The following TCF4 variants were observed in gnomAD, a reference collection of about 807,000 sequenced individuals.
The protein encoded by TCF4 is SL3-3 enhancer factor 2.
Under a neutral mutation model 82.1 loss-of-function variants are expected in TCF4, and 3 were observed. The observed-to-expected ratio is 0.04, with a 90% confidence interval of 0.02 to 0.09. TCF4 has a LOEUF of 0.09. TCF4 is among the 10% of genes least tolerant of loss of function. The pLI, the probability that TCF4 is intolerant of heterozygous loss-of-function variation, is 1.00. For synonymous variants in TCF4, 276 were observed against 309.6 expected, an observed-to-expected ratio of 0.89 and a Z score of 1.14; for missense variants, 518 against 852.7, an observed-to-expected ratio of 0.61 and a Z score of 4.89.
chr18:55,412,031 A>G (rs1465566184), intron 5 of TCF4, among the ~76,000 whole-genome samples: 3 of 152,172 alleles, frequency 2.0e-5, no homozygotes, highest in Non-Finnish European at 2.9e-5. Flanking sequence ...ATGAGCCACC[A>G]TGCCCAACAG....
At chr18:55,556,827 T>A in intron 3 of TCF4, among the ~76,000 whole-genome samples, 1 of 152,232 alleles carries the variant, frequency 6.6e-6, no homozygotes, top group East Asian at 1.9e-4. Flanking sequence ...GCATTTAGCA[T>A]CTACAAATCT....
intron 3 of TCF4, among the ~76,000 whole-genome samples, chr18:55,580,563 T>A (rs1201613967): frequency 1.3e-5 from 2 of 151,970 alleles, no homozygotes; most frequent in Admixed American, 6.6e-5. Flanking sequence ...TGTCATAAAT[T>A]GGAAGGGTAG....
chr18:55,300,191 A>T (rs1568831552), intron 8 of TCF4, among the ~76,000 whole-genome samples: 1 of 152,148 alleles, frequency 6.6e-6, no homozygotes, highest in South Asian at 2.1e-4. Context: ...CTGAACTAAC[A>T]GCCATTTTAA....
chr18:55,622,133 C>G (rs1039755095), intron 2 of TCF4, among the ~76,000 whole-genome samples: 3 of 145,308 alleles, frequency 2.1e-5, no homozygotes, highest in Non-Finnish European at 4.5e-5. Context: ...TTATCCTTAG[C>G]CCTCATCCTT....
At chr18:55,302,625 T>A in intron 8 of TCF4, 3 of 1,514,014 alleles carry the variant, frequency 2.0e-6, no homozygotes, top group Non-Finnish European at 1.8e-6. Flanking sequence ...TATATGAAAC[T>A]CAGACCCGCA....
intron 2 of TCF4, among the ~76,000 whole-genome samples, chr18:55,620,950 G>T (rs927195342): frequency 6.6e-6 from 1 of 151,962 alleles, no homozygotes; most frequent in African/African-American, 2.4e-5. Context: ...TACCACTTTT[G>T]TAGTGGCTGA....
chr18:55,311,503 T>C (rs992330430), intron 8 of TCF4, among the ~76,000 whole-genome samples: 3 of 152,248 alleles, frequency 2.0e-5, no homozygotes, highest in Admixed American at 6.5e-5. Flanking sequence ...AGATATATGT[T>C]TGTAATCTTA....
chr18:55,287,372 G>A (rs2146484053), intron 8 of TCF4, among the ~76,000 whole-genome samples: 1 of 152,298 alleles, frequency 6.6e-6, no homozygotes, highest in South Asian at 2.1e-4. Flanking sequence ...ATTCATTCAT[G>A]AGTACATTAA....
chr18:55,369,913 T>TTGTGTG (rs3838896), intron 6 of TCF4, among the ~76,000 whole-genome samples: 33 of 150,722 alleles, frequency 2.2e-4, no homozygotes, highest in South Asian at 1.7e-3. Context: ...AGAGTTTTAT[T>TTGTGTG]TGTGTGTGTG....
chr18:55,466,539 A>G lies in TCF4; in HGVS notation c.146-2402T>C, dbSNP rs566814312. Among the ~76,000 whole-genome samples, 303 of 152,222 alleles carry G rather than the reference A, an allele frequency of 2.0e-3. 1 individual carries two copies. Among genetic ancestry groups the G allele is most frequent in the African/African-American group, 7.0e-3 (290 of 41,538 alleles). On this transcript the variant is annotated intron_variant, in intron 3 of 19. Transcript: ENST00000354452. The stretch of plus-strand genomic sequence containing the variant: ...ATTTTTGGTGTTCTGACCCCAAATA[A>G]AAATTGTGTTGAGATTGAGAAGCCC...
intron 2 of TCF4, among the ~76,000 whole-genome samples, chr18:55,596,571 A>T (rs1316386477): frequency 6.6e-6 from 1 of 152,186 alleles, no homozygotes; most frequent in Admixed American, 6.5e-5. Flanking sequence ...GGAAGTTTGG[A>T]TCCATTAGCT....
upstream of TCF4, among the ~76,000 whole-genome samples, chr18:55,590,783 T>C (rs992740357): frequency 5.3e-5 from 8 of 152,256 alleles, no homozygotes; most frequent in Admixed American, 4.6e-4. Flanking sequence ...ACAGTGTTCC[T>C]ATAACTTCAC....
intron 6 of TCF4, among the ~76,000 whole-genome samples, chr18:55,389,830 C>T (rs1462270646): frequency 5.9e-5 from 9 of 151,918 alleles, no homozygotes; most frequent in Admixed American, 3.3e-4. Context: ...CGGGCAGCCA[C>T]GGTGGTGACT....
rs187245380 is a variant in TCF4, at chr18:55,414,759, A to T, written c.305-11241T>A. ...CCTGTGTCCTGGGAGTAAAGAGACC[A>T]TCAGTGATTTGTTCCTTTAACATCT... On this transcript the variant is annotated intron_variant, in intron 5 of 19. Coordinates refer to ENST00000354452, the MANE Select transcript of TCF4 (RefSeq NM_001083962.2). Among the ~76,000 whole-genome samples the T allele has an allele frequency of 6.2e-4, 94 of 152,328 alleles. 1 individual carries two copies. Among genetic ancestry groups the T allele is most frequent in the East Asian group, 1.5e-3 (8 of 5,186 alleles).
At chr18:55,385,028 T>C (rs535759881) in intron 6 of TCF4, among the ~76,000 whole-genome samples, 2 of 151,978 alleles carry the variant, frequency 1.3e-5, no homozygotes, top group Non-Finnish European at 2.9e-5. Flanking sequence ...TCTTTCTCCC[T>C]CCCCCTTACC....
chr18:55,385,899 G>A, intron 6 of TCF4, among the ~76,000 whole-genome samples: 1 of 152,210 alleles, frequency 6.6e-6, no homozygotes, highest in South Asian at 2.1e-4. Context: ...TCGCTACTGG[G>A]TGCCAAAGCT....
chr18:55,431,813 G>C lies in TCF4; in HGVS notation c.305-28295C>G, dbSNP rs540104694. ...TTCTATTTCAATAAATTTTACTGTG[G>C]CACAAACTGGGTTTCAAAATCACTC... On this transcript the variant is annotated intron_variant, in intron 5 of 19. Transcript: ENST00000354452. 6.6e-5 allele frequency among the ~76,000 whole-genome samples: 10 copies of C among 152,220 alleles called. No individual in the cohort carries two copies. In the South Asian group the frequency reaches 2.1e-3, roughly 32 times the overall value.
chr18:55,498,967 A>G (rs573197938), intron 3 of TCF4, among the ~76,000 whole-genome samples: 2 of 152,302 alleles, frequency 1.3e-5, no homozygotes, highest in South Asian at 4.1e-4. Context: ...ATACAAGATT[A>G]CACTTATGGA....
intron 1 of TCF4, chr18:55,635,586 G>A (rs903220466): frequency 3.4e-5 from 44 of 1,310,310 alleles, no homozygotes; most frequent in Non-Finnish European, 4.2e-5. Context: ...GAGATGTCAG[G>A]GAGAGAGGTT....
Sources: gnomAD v4.1 joint callset for allele counts (sites outside exome capture counted in the v4.1 genomes callset) on GRCh38, gnomAD v4.1.1 for gene constraint, MANE v1.5 for transcripts, NCBI Gene and HGNC (gene_info 2026-07-23, HGNC 2026-07-21) for gene names.